Variants in EYS observed in about 807,000 individuals in gnomAD.
The protein encoded by EYS is EGF-like photoreceptor maintenance factor.
In EYS, 250 loss-of-function variants were observed where a neutral mutation model predicts 282.1. That is an observed-to-expected ratio of 0.89 (90% CI 0.80 to 0.98). The LOEUF (loss-of-function observed/expected upper bound fraction) is 0.98, where lower values mean the gene tolerates loss of function less well. Ranked by LOEUF, EYS falls within the 50% of genes least tolerant of loss-of-function variation. The probability of loss-of-function intolerance (pLI) is 0.00; values close to 1 mark genes in which losing one functional copy is unlikely to be tolerated. For missense variants in EYS, 4,016 were observed against 3,709.0 expected (o/e 1.08, Z -2.15); for synonymous variants, 1,355 against 1,282.9 (o/e 1.06, Z -1.20).
intron 22 of EYS, among the ~76,000 whole-genome samples, chr6:64,700,597 T>C (rs1474415028): frequency 2.6e-5 from 4 of 151,902 alleles, no homozygotes; most frequent in African/African-American, 9.7e-5. Flanking sequence ...GACAAAGAGA[T>C]ACAAATAAAT....
At chr6:64,690,204 G>C (rs1283880663) in intron 22 of EYS, among the ~76,000 whole-genome samples, 1 of 152,026 alleles carries the variant, frequency 6.6e-6, no homozygotes, top group Non-Finnish European at 1.5e-5. Flanking sequence ...AGACATTTAT[G>C]CAGCCAACAA....
At chr6:64,430,563 G>A (rs777797586) in intron 28 of EYS, among the ~76,000 whole-genome samples, 7 of 152,128 alleles carry the variant, frequency 4.6e-5, no homozygotes, top group Non-Finnish European at 8.8e-5. Context: ...CAACTACTAA[G>A]TGTTATAAAT....
intron 12 of EYS, among the ~76,000 whole-genome samples, chr6:65,153,363 A>ATGTGTGTGTGTGTG (rs67661407): frequency 2.2e-5 from 3 of 135,760 alleles, no homozygotes; most frequent in Admixed American, 7.5e-5. Context: ...GAGATCATAA[A>ATGTGTGTGTGTGTG]TGTGTGTGTG....
At chr6:65,312,855 T>C (rs533365369) in intron 11 of EYS, among the ~76,000 whole-genome samples, 19 of 152,220 alleles carry the variant, frequency 1.2e-4, no homozygotes, top group African/African-American at 4.6e-4. Context: ...AGTTGTAATA[T>C]ATGCCAATCT....
rs143474866 is a variant in EYS, at chr6:65,395,435, T to C, written c.1184+7043A>G. ...TTGACAAAGTTGTACAAATTTAAAG[T>C]GTAAAGTGTGATAATGACTTGGTAT... On this transcript the variant is annotated intron_variant, in intron 7 of 42. Coordinates refer to ENST00000503581, the MANE Select transcript of EYS (RefSeq NM_001142800.2). Among the ~76,000 whole-genome samples, 5 of 152,302 alleles carry C rather than the reference T, an allele frequency of 3.3e-5. No homozygotes were observed. In the East Asian group the frequency reaches 9.7e-4, roughly 29 times the overall value.
chr6:63,784,263 ATC>A (rs367672724), intron 39 of EYS, among the ~76,000 whole-genome samples: 57 of 147,518 alleles, frequency 3.9e-4, no homozygotes, highest in African/African-American at 4.7e-4. Flanking sequence ...CTTATTAAAA[ATC>A]TCTCTCTCTC....
At chr6:65,405,501 C>T in intron 5 of EYS, 134 bp from the exon 6 acceptor site, 3 of 716,586 alleles carry the variant, frequency 4.2e-6, no homozygotes, top group East Asian at 5.4e-5. Flanking sequence ...AAATGTATTG[C>T]AGTGTAAGTT....
At chr6:65,213,340 A>C (rs1313622578) in intron 12 of EYS, among the ~76,000 whole-genome samples, 2 of 152,150 alleles carry the variant, frequency 1.3e-5, no homozygotes, top group Non-Finnish European at 2.9e-5. Context: ...AATTTTGAGA[A>C]AAACGTTCCT....
intron 5 of EYS, among the ~76,000 whole-genome samples, chr6:65,440,145 C>G (rs1341588646): frequency 6.6e-6 from 1 of 151,920 alleles, no homozygotes; most frequent in Admixed American, 6.6e-5. Flanking sequence ...TACAGATGAG[C>G]TTAAAATAAA....
At chr6:65,645,105 C>G (rs1200723326) in intron 1 of EYS, among the ~76,000 whole-genome samples, 3 of 152,086 alleles carry the variant, frequency 2.0e-5, no homozygotes, top group Non-Finnish European at 4.4e-5. Context: ...TAGCACTCCA[C>G]TGACAGCACT....
chr6:64,219,028 C>T (rs1003687462), intron 31 of EYS, among the ~76,000 whole-genome samples: 3 of 152,156 alleles, frequency 2.0e-5, no homozygotes, highest in African/African-American at 7.2e-5. Flanking sequence ...AGGGCAAAAC[C>T]TACAACAGGG....
At chr6:64,116,275 T>C (rs1165179390) in intron 31 of EYS, among the ~76,000 whole-genome samples, 1 of 152,076 alleles carries the variant, frequency 6.6e-6, no homozygotes, top group Non-Finnish European at 1.5e-5. Context: ...AAGAACTTTT[T>C]AACATATAAG....
At chr6:65,532,567 AG>A (rs1280267624) in intron 2 of EYS, among the ~76,000 whole-genome samples, 7 of 152,160 alleles carry the variant, frequency 4.6e-5, no homozygotes, top group African/African-American at 1.7e-4. Context: ...TTATCAAGCT[AG>A]GTATAAAAAT....
chr6:64,338,108 T>A (rs531863800), intron 29 of EYS, among the ~76,000 whole-genome samples: 1 of 152,022 alleles, frequency 6.6e-6, no homozygotes, highest in South Asian at 2.1e-4. Context: ...CTCTTCAACA[T>A]AGTACTGAAA....
Position 65,099,006 on chromosome 6 carries a change from T to C in EYS, c.2024-41279A>G, listed in dbSNP as rs187683295. On this transcript the variant is annotated intron_variant, in intron 12 of 42. Transcript: ENST00000503581. ...AGCTAAGCCATTTGCAATGTAAATGTTTAATCTAAATATTGTATAGACCAA... is the reference window on the plus strand; with the variant it reads ...AGCTAAGCCATTTGCAATGTAAATGCTTAATCTAAATATTGTATAGACCAA... 1.6e-3 allele frequency among the ~76,000 whole-genome samples: 235 copies of C among 150,856 alleles called. 2 individuals carry two copies. Among genetic ancestry groups the C allele is most frequent in the Middle Eastern group, 3.4e-3 (1 of 292 alleles).
rs575891803 is a variant in EYS, at chr6:64,531,371, G to A, written c.5644+58852C>T. 2.9e-5 allele frequency among the ~76,000 whole-genome samples: 4 copies of A among 139,358 alleles called. No homozygotes were observed. The South Asian group carries it at 9.7e-4, about 34-fold the overall frequency. The allele number at this position is 139,358 out of a possible 152,430, so 91.4% of individuals were successfully genotyped here. On this transcript the variant is annotated intron_variant, in intron 26 of 42. Coordinates refer to ENST00000503581, the MANE Select transcript of EYS (RefSeq NM_001142800.2). ...TGTGTTATGTATTAATAAAATTGAT[G>A]AAAAATTGAGTTTTGTTTTTTGTTT...
intron 22 of EYS, among the ~76,000 whole-genome samples, chr6:64,768,186 T>G (rs376162859): frequency 1.3e-5 from 2 of 152,246 alleles, no homozygotes; most frequent in South Asian, 2.1e-4. Flanking sequence ...TTTCAATATA[T>G]TTCAGAATAA....
intron 29 of EYS, among the ~76,000 whole-genome samples, chr6:64,363,180 T>G (rs1439733443): frequency 6.6e-6 from 1 of 151,898 alleles, no homozygotes; most frequent in Non-Finnish European, 1.5e-5. Flanking sequence ...TTATTTGTGA[T>G]TCTGCATATA....
chr6:63,958,420 G>A lies in EYS; in HGVS notation c.7055+25963C>T, dbSNP rs894700742. On this transcript the variant is annotated intron_variant, in intron 35 of 42. Transcript: ENST00000503581. ...CCTATGTTACACGAGGTTTGCTATG[G>A]TTTGAATGTTTGTGGCCCCCACAAT... Among the ~76,000 whole-genome samples the A allele has an allele frequency of 5.2e-5, 5 of 96,060 alleles. 1 individual carries two copies. Among genetic ancestry groups the A allele is most frequent in the Non-Finnish European group, 1.4e-4 (5 of 35,566 alleles). The allele number at this position is 96,060 out of a possible 152,430, so 63.0% of individuals were successfully genotyped here. A position where few individuals can be genotyped will look rare whatever the true frequency, so the allele number is the denominator to read the frequency against.
Sources: gnomAD v4.1 joint callset for allele counts (sites outside exome capture counted in the v4.1 genomes callset) on GRCh38, gnomAD v4.1.1 for gene constraint, MANE v1.5 for transcripts, NCBI Gene and HGNC (gene_info 2026-07-23, HGNC 2026-07-21) for gene names.